Variants in SRRM2 observed in about 807,000 individuals in gnomAD.
The protein encoded by SRRM2 is serine/arginine repetitive matrix protein 2.
In SRRM2, 30 loss-of-function variants were observed where a neutral mutation model predicts 213.8. The ratio of observed to expected loss-of-function variants is 0.14; its 90% CI spans 0.10 to 0.19. SRRM2 has a LOEUF of 0.19. Ranked by LOEUF, SRRM2 falls within the 10% of genes least tolerant of loss-of-function variation. SRRM2 has a pLI of 1.00. For missense variants in SRRM2, 4,904 were observed against 3,647.0 expected, an observed-to-expected ratio of 1.34 and a Z score of -8.88; for synonymous variants, 2,025 against 1,377.7, an observed-to-expected ratio of 1.47 and a Z score of -10.40.
At position 2,759,627 on chromosome 16, in the gene SRRM2, G is replaced by C; in HGVS notation, c.799G>C (p.Asp267His). The C allele has an allele frequency of 6.2e-7, 1 of 1,614,028 alleles. No homozygotes were observed. The highest frequency in any genetic ancestry group is 8.5e-7 in the Non-Finnish European group (1 of 1,179,956). ...SRRAHRSTSADSASSSDTSRS... is the reference protein window; with the variant it reads ...SRRAHRSTSAHSASSSDTSRS... ...CCGGGCCCACCGTTCAACTTCTGCT[G>C]ACTCTGCTTCCTCCTCCGATACTTC... The change falls in exon 9 of 15, where the codon GAC becomes CAC. Residue 267 changes from aspartate (D) to histidine (H), a missense_variant. Coordinates refer to ENST00000301740, the MANE Select transcript of SRRM2 (RefSeq NM_016333.4).
Position 2,765,135 on chromosome 16 carries a change from G to A in SRRM2, c.4607G>A (p.Arg1536Lys), listed in dbSNP as rs1417589423. 1.2e-5 allele frequency: 20 copies of A among 1,614,216 alleles called. No homozygotes were observed. The highest frequency in any genetic ancestry group is 1.6e-5 in the Non-Finnish European group (19 of 1,180,038). Residue 1536 changes from arginine (R) to lysine (K), a missense_variant, in exon 11 of 15, where the codon AGA (arginine) becomes AAA (lysine). Coordinates refer to ENST00000301740, the MANE Select transcript of SRRM2 (RefSeq NM_016333.4). ...KTVARTPLGQ[R>K]SRSGSSQELD... is the part of the protein sequence containing the mutation. ...GTGGCTCGGACTCCCCTGGGGCAGA[G>A]AAGTCGTTCGGGATCCTCTCAAGAA...
Position 2,771,029 on chromosome 16 carries a change from T to C in SRRM2, c.*162T>C. 1 of 642,156 alleles carries C rather than the reference T, an allele frequency of 1.6e-6. No homozygotes were observed. Among genetic ancestry groups the C allele is most frequent in the Non-Finnish European group, 2.4e-6 (1 of 413,684 alleles). The allele number at this position is 642,156 out of a possible 1,614,324, so 39.8% of individuals were successfully genotyped here. On this transcript the variant is annotated 3_prime_UTR_variant, in exon 15 of 15. Coordinates refer to ENST00000301740, the MANE Select transcript of SRRM2 (RefSeq NM_016333.4). Reference sequence around the variant, plus strand: ...TCCCTCCCCTTTTTTTTTTCTTTGTTCCTGTGAAATGTTAATCTCCGTGAG... The same window carrying C: ...TCCCTCCCCTTTTTTTTTTCTTTGTCCCTGTGAAATGTTAATCTCCGTGAG...
At position 2,765,167 on chromosome 16, in the gene SRRM2, G is replaced by A. The variant is rs747688868; in HGVS notation, c.4639G>A (p.Val1547Met). 6.2e-7 allele frequency: 1 copy of A among 1,614,176 alleles called. No homozygotes were observed. Among genetic ancestry groups the A allele is most frequent in the South Asian group, 1.1e-5 (1 of 91,078 alleles). ...SRSGSSQELD[V>M]KPSASPQERS... is the part of the protein sequence containing the mutation. Reference sequence around the variant, plus strand: ...TTCGGGATCCTCTCAAGAACTTGATGTGAAACCCAGTGCATCCCCTCAGGA... The same window carrying A: ...TTCGGGATCCTCTCAAGAACTTGATATGAAACCCAGTGCATCCCCTCAGGA... The change falls in exon 11 of 15, where the codon GTG becomes ATG. Residue 1547 changes from valine (V) to methionine (M), a missense_variant. By Grantham distance (21) the Val-to-Met change is conservative. Transcript: ENST00000301740.
rs780671261 is a variant in SRRM2, at chr16:2,768,152, T to C, written c.7624T>C (p.Ser2542Pro). The C allele has an allele frequency of 4.3e-6, 7 of 1,612,898 alleles. No homozygotes were observed. Among genetic ancestry groups the C allele is most frequent in the African/African-American group, 4.0e-5 (3 of 74,862 alleles). The change falls in exon 11 of 15, where the codon TCC becomes CCC. Residue 2542 changes from serine (S) to proline (P), a missense_variant. By Grantham distance (74) the Ser-to-Pro change is moderately conservative. Transcript: ENST00000301740. ...CTCCTCGTCGTCGTCGTCCTCTAGC[T>C]CCTCCTCTTCTTCATCATCGTCGTC... ...SSSSSSSSSS[S>P]SSSSSSSSSS... is the part of the protein sequence containing the mutation.
chr16:2,771,111 G>C lies in SRRM2; in HGVS notation c.*244G>C. 1.8e-6 allele frequency: 1 copy of C among 565,642 alleles called. No homozygotes were observed. Among genetic ancestry groups the C allele is most frequent in the Non-Finnish European group, 3.1e-6 (1 of 321,428 alleles). The allele number at this position is 565,642 out of a possible 1,614,324, so 35.0% of individuals were successfully genotyped here. A position where few individuals can be genotyped will look rare whatever the true frequency, so the allele number is the denominator to read the frequency against. On this transcript the variant is annotated 3_prime_UTR_variant, in exon 15 of 15. Transcript: ENST00000301740. ...GGGGTGGGAGGGAATGCAGATGGGA[G>C]TTGGGGGAGGGGAGGATACAGTTCA...
chr16:2,770,028 T>TC (rs1567249810), intron 12 of SRRM2: 1 of 744,068 alleles, frequency 1.3e-6, no homozygotes, highest in Admixed American at 3.1e-5. Context: ...TTGCCCCATG[T>TC]CCCCCTCCCT....
At position 2,766,884 on chromosome 16, in the gene SRRM2, G is replaced by A. The variant is rs115704251; in HGVS notation, c.6356G>A (p.Arg2119His). ...LNSSRMSCFS[R>H]PSMSPTPLDR... ...AGTTCCAGAATGAGCTGCTTCAGTC[G>A]TCCTAGCATGTCCCCAACACCTCTT... is the stretch of plus-strand genomic sequence containing the variant. Residue 2119 changes from arginine (R) to histidine (H), a missense_variant, in exon 11 of 15, where the codon CGT becomes CAT. By Grantham distance (29) the Arg-to-His change is conservative. Transcript: ENST00000301740. The surrounding 1 kb of genome is among the most constrained non-coding windows in gnomAD (Gnocchi z 7.0). 3.3e-5 allele frequency: 53 copies of A among 1,614,002 alleles called. No homozygotes were observed. Among genetic ancestry groups the A allele is most frequent in the African/African-American group, 2.1e-4 (16 of 75,010 alleles).
chr16:2,762,374 C>G lies in SRRM2; in HGVS notation c.1846C>G (p.Arg616Gly). ...AACACCAGCCCGGAGGGGCAGGTCT[C>G]GGTCTAGAACACCTGCTAGGCGCAG... is the stretch of plus-strand genomic sequence containing the variant. ...SRTPARRGRS[R>G]SRTPARRRSR... The change falls in exon 11 of 15, where the codon CGG (arginine) becomes GGG (glycine). Residue 616 changes from arginine (R) to glycine (G), a missense_variant. Arg to Gly is a moderately radical substitution (Grantham distance 125, BLOSUM62 -2). Coordinates refer to ENST00000301740, the MANE Select transcript of SRRM2 (RefSeq NM_016333.4). 1.9e-6 allele frequency: 3 copies of G among 1,614,154 alleles called. No homozygotes were observed. Among genetic ancestry groups the G allele is most frequent in the Non-Finnish European group, 2.5e-6 (3 of 1,180,020 alleles).
intron 9 of SRRM2, chr16:2,759,990 G>T (rs2068282879): frequency 1.9e-6 from 1 of 539,720 alleles, no homozygotes; most frequent in Non-Finnish European, 3.3e-6. Flanking sequence ...AAGGCTTCCT[G>T]AAGGAGGTGG....
At chr16:2,770,166 T>G (rs758410088) in intron 12 of SRRM2, 186 bp from the exon 13 acceptor site, 4 of 1,440,988 alleles carry the variant, frequency 2.8e-6, no homozygotes, top group Non-Finnish European at 3.6e-6. Flanking sequence ...CTGCACCCTG[T>G]GCCTGCCCAC....
chr16:2,766,480 C>G lies in SRRM2; in HGVS notation c.5952C>G (p.Ser1984=), dbSNP rs909663651. ...TSPITRRRSR[S]RTSPVTRRRS... ...CTATCACTCGCAGAAGATCAAGATC[C>G]AGAACATCTCCGGTCACCCGAAGGA... The change falls in exon 11 of 15, where the codon TCC becomes TCG. Residue 1984 remains serine, a synonymous_variant. Transcript: ENST00000301740. The surrounding 1 kb of genome is among the most constrained non-coding windows in gnomAD (Gnocchi z 7.0). The G allele has an allele frequency of 6.2e-7, 1 of 1,614,094 alleles. No individual in the cohort carries two copies. Among genetic ancestry groups the G allele is most frequent in the Non-Finnish European group, 8.5e-7 (1 of 1,180,020 alleles).
chr16:2,762,266 C>T lies in SRRM2; in HGVS notation c.1738C>T (p.Arg580Cys), dbSNP rs146283035. The T allele has an allele frequency of 1.5e-5, 24 of 1,606,340 alleles. No individual in the cohort carries two copies. Among genetic ancestry groups the T allele is most frequent in the East Asian group, 7.0e-5 (3 of 43,144 alleles). Reference sequence around the variant, plus strand: ...TAGATCTCGTTCTAGAACACCAGCCCGCCGGGGCAGGTCCCGCTCTAGAAC... The same window carrying T: ...TAGATCTCGTTCTAGAACACCAGCCTGCCGGGGCAGGTCCCGCTCTAGAAC... Reference protein sequence around the residue: ...RGRSRSRTPARRGRSRSRTPA... With the variant: ...RGRSRSRTPACRGRSRSRTPA... Residue 580 changes from arginine (R) to cysteine (C), a missense_variant, in exon 11 of 15, where the codon CGC becomes TGC. By Grantham distance (180) the Arg-to-Cys change is radical. Coordinates refer to ENST00000301740, the MANE Select transcript of SRRM2 (RefSeq NM_016333.4).
chr16:2,761,730 G>A lies in SRRM2; in HGVS notation c.1202G>A (p.Arg401Gln), dbSNP rs1209108222. 8.7e-6 allele frequency: 14 copies of A among 1,609,822 alleles called. No homozygotes were observed. Among genetic ancestry groups the A allele is most frequent in the Admixed American group, 3.4e-5 (2 of 59,604 alleles). The change falls in exon 11 of 15, where the codon CGG becomes CAG. Residue 401 changes from arginine to glutamine, a missense_variant. Transcript: ENST00000301740. ...VNPPSEASPTRDRSPPKSPEK... is the reference protein window; with the variant it reads ...VNPPSEASPTQDRSPPKSPEK... ...CCCCCATCTGAGGCCTCTCCAACTCGGGACCGTTCACCACCTAAGTCTCCC... is the reference window on the plus strand; with the variant it reads ...CCCCCATCTGAGGCCTCTCCAACTCAGGACCGTTCACCACCTAAGTCTCCC...
chr16:2,754,386 C>G (rs1434865741), intron 1 of SRRM2, among the ~76,000 whole-genome samples: 2 of 152,026 alleles, frequency 1.3e-5, no homozygotes, highest in Admixed American at 1.3e-4. Context: ...TTCCGCCTCC[C>G]GGGTTCAAGC....
chr16:2,754,513 A>C (rs141761837), intron 1 of SRRM2, among the ~76,000 whole-genome samples: 1 of 152,086 alleles, frequency 6.6e-6, no homozygotes, highest in African/African-American at 2.4e-5. Flanking sequence ...GCTGGTGTCA[A>C]TCTCCTGATC....
rs775611270 is a variant in SRRM2 at position 2,758,513 on chromosome 16, C to CAGA, written c.570_572dup (p.Lys194dup). The CAGA allele has an allele frequency of 6.2e-7, 1 of 1,614,032 alleles. No homozygotes were observed. Among genetic ancestry groups the CAGA allele is most frequent in the Non-Finnish European group, 8.5e-7 (1 of 1,180,002 alleles). On this transcript the variant is annotated inframe_insertion, in exon 5 of 15. Transcript: ENST00000301740. ...CAGTTCTCGCTCACCAACCCCAAAG[C>CAGA]AGAAGAAGAAGAAAAAGAAGAAAGA... is the stretch of plus-strand genomic sequence containing the variant.
chr16:2,759,482 C>G (rs1280037933), intron 8 of SRRM2, 80 bp downstream of exon 8: 4 of 1,601,740 alleles, frequency 2.5e-6, no homozygotes, highest in Admixed American at 3.4e-5. Flanking sequence ...AGTTATGTCC[C>G]TGACTGGTAA....
In SRRM2 at chr16:2,759,645, G is replaced by A. The variant is rs200535115; in HGVS notation, c.817G>A (p.Asp273Asn). Residue 273 changes from aspartate (D) to asparagine (N), a missense_variant, in exon 9 of 15, where the codon GAT becomes AAT. Coordinates refer to ENST00000301740, the MANE Select transcript of SRRM2 (RefSeq NM_016333.4). ...STSADSASSSDTSRSRSRSAA... is the reference protein window; with the variant it reads ...STSADSASSSNTSRSRSRSAA... ...TTCTGCTGACTCTGCTTCCTCCTCC[G>A]ATACTTCCCGCAGTCGGTAAGGGGT... is the stretch of plus-strand genomic sequence containing the variant. The A allele has an allele frequency of 7.4e-5, 119 of 1,613,896 alleles. No homozygotes were observed. Among genetic ancestry groups the A allele is most frequent in the Middle Eastern group, 1.7e-4 (1 of 6,058 alleles).
chr16:2,762,207 G>T lies in SRRM2; in HGVS notation c.1679G>T (p.Gly560Val). ...GGCAGGTCTAGGTCAGCAAGGCGAG[G>T]GAGGTCCCACTCTAGATCCCCAGCC... ...RRGRSRSARR[G>V]RSHSRSPATR... The change falls in exon 11 of 15, where the codon GGG (glycine) becomes GTG (valine). Residue 560 changes from glycine (G) to valine (V), a missense_variant. Transcript: ENST00000301740. 3 of 1,614,124 alleles carry T rather than the reference G, an allele frequency of 1.9e-6. No individual in the cohort carries two copies. Among genetic ancestry groups the T allele is most frequent in the Non-Finnish European group, 2.5e-6 (3 of 1,180,004 alleles).
Sources: allele counts gnomAD v4.1 joint callset (sites outside exome capture counted in the v4.1 genomes callset), GRCh38; gene constraint gnomAD v4.1.1; non-coding constraint Gnocchi (gnomAD v3.1); transcripts MANE v1.5; gene names NCBI Gene and HGNC (gene_info 2026-07-23, HGNC 2026-07-21).